Variants in PHKB observed in about 807,000 individuals in gnomAD.
The protein encoded by PHKB is phosphorylase kinase regulatory subunit beta.
Under a neutral mutation model 152.1 loss-of-function variants are expected in PHKB, and 122 were observed. The observed-to-expected ratio is 0.80, with a 90% CI of 0.69 to 0.93. The LOEUF (loss-of-function observed/expected upper bound fraction) is 0.93. Among genes scored for constraint, PHKB ranks in the 40% least tolerant of loss-of-function variants. PHKB has a pLI of 0.00. For missense variants in PHKB, 1,304 were observed against 1,328.4 expected (o/e 0.98, Z 0.29); for synonymous variants, 436 against 464.9 (o/e 0.94, Z 0.80).
In PHKB at chr16:47,486,749, T is replaced by C. The variant is rs896370989; in HGVS notation, c.77-10650T>C. 3.9e-5 allele frequency among the ~76,000 whole-genome samples: 6 copies of C among 152,206 alleles called. No homozygotes were observed. In the South Asian group the frequency reaches 1.2e-3, roughly 31 times the overall value. On this transcript the variant is annotated intron_variant, in intron 1 of 30. Coordinates refer to ENST00000323584, the MANE Select transcript of PHKB (RefSeq NM_000293.3). Reference sequence around the variant, plus strand: ...TCTATGATAAAAGATCTTCGGATTATGCTTACTTCTTGATTATCTTTTTGG... The same window carrying C: ...TCTATGATAAAAGATCTTCGGATTACGCTTACTTCTTGATTATCTTTTTGG...
intron 1 of PHKB, among the ~76,000 whole-genome samples, chr16:47,478,580 A>G (rs962362295): frequency 6.6e-6 from 1 of 151,374 alleles, no homozygotes; most frequent in African/African-American, 2.4e-5. Flanking sequence ...AAGTTACTAA[A>G]CCCCATTTAA....
intron 29 of PHKB, among the ~76,000 whole-genome samples, chr16:47,697,368 G>T (rs1314680451): frequency 1.3e-5 from 2 of 152,144 alleles, no homozygotes; most frequent in Non-Finnish European, 2.9e-5. Context: ...CACAGCATGA[G>T]GCAGACTGGG....
chr16:47,651,426 T>G (rs1369842702), intron 20 of PHKB, among the ~76,000 whole-genome samples: 2 of 152,232 alleles, frequency 1.3e-5, no homozygotes, highest in African/African-American at 4.8e-5. Context: ...CAATAATTAC[T>G]GTGTCTTGAA....
intron 7 of PHKB, among the ~76,000 whole-genome samples, chr16:47,548,758 T>A (rs1314613967): frequency 1.3e-5 from 2 of 152,212 alleles, no homozygotes; most frequent in African/African-American, 4.8e-5. Flanking sequence ...ACTAGCTGTG[T>A]AACCCTCAAC....
At chr16:47,556,347 C>A (rs1187783556) in intron 7 of PHKB, among the ~76,000 whole-genome samples, 2 of 152,178 alleles carry the variant, frequency 1.3e-5, no homozygotes, top group African/African-American at 2.4e-5. Context: ...GTCTTGTGCC[C>A]ATATTCAAAG....
chr16:47,698,661 TAATCTC>T, intron 30 of PHKB, 73 bp downstream of exon 30: 1 of 1,211,354 alleles, frequency 8.3e-7, no homozygotes, highest in Non-Finnish European at 1.1e-6. Flanking sequence ...AAAATATCCC[TAATCTC>T]TTTTCATTTA....
At chr16:47,656,690 C>G (rs1973345323) in intron 20 of PHKB, among the ~76,000 whole-genome samples, 1 of 152,132 alleles carries the variant, frequency 6.6e-6, no homozygotes, top group Middle Eastern at 3.2e-3. Context: ...CTCATTCCCC[C>G]CACACTCCAG....
chr16:47,598,289 C>A (rs936102015), intron 13 of PHKB, among the ~76,000 whole-genome samples: 3 of 152,140 alleles, frequency 2.0e-5, no homozygotes, highest in Non-Finnish European at 2.9e-5. Context: ...AGGACCTTTT[C>A]TTCTTCCAGA....
At chr16:47,659,319 C>T (rs957252061) in intron 20 of PHKB, among the ~76,000 whole-genome samples, 1 of 152,200 alleles carries the variant, frequency 6.6e-6, no homozygotes, top group African/African-American at 2.4e-5. Flanking sequence ...GCAACATTCC[C>T]TGTGTCCTGT....
rs969004979 is a variant in PHKB, at chr16:47,592,347, G to C, written c.1069-1153G>C. On this transcript the variant is annotated intron_variant, in intron 10 of 30. Coordinates refer to ENST00000323584, the MANE Select transcript of PHKB (RefSeq NM_000293.3). ...TTAGCTACTTAGCATGACCTGCAAG[G>C]CCCTTCCCGATCTGGCTGGCCTGGC... Among the ~76,000 whole-genome samples the C allele has an allele frequency of 2.6e-5, 4 of 152,302 alleles. No individual in the cohort carries two copies. The East Asian group carries it at 7.7e-4, about 29-fold the overall frequency.
At chr16:47,515,430 C>CA in intron 5 of PHKB, 91 bp from the exon 6 acceptor site, 1 of 737,820 alleles carries the variant, frequency 1.4e-6, no homozygotes. Flanking sequence ...ACTATTAGAG[C>CA]AAATGACTTG....
chr16:47,692,809 A>C (rs1974084978), intron 27 of PHKB, among the ~76,000 whole-genome samples: 2 of 152,312 alleles, frequency 1.3e-5, no homozygotes, highest in African/African-American at 4.8e-5. Context: ...GTAAGATTTT[A>C]TATCTTTTTT....
chr16:47,658,626 T>G (rs935819565), intron 20 of PHKB, among the ~76,000 whole-genome samples: 1 of 152,206 alleles, frequency 6.6e-6, no homozygotes, highest in Non-Finnish European at 1.5e-5. Context: ...GTATTACAGT[T>G]GCCTACAGTA....
rs569119687 is a variant in PHKB at position 47,680,237 on chromosome 16, G to T, written c.2631-8804G>T. Reference sequence around the variant, plus strand: ...ATATTGGTCTAAAATTCTCTTTTTTGGTTGTGTCTCTGCCAGGCTTTGGTA... The same window carrying T: ...ATATTGGTCTAAAATTCTCTTTTTTTGTTGTGTCTCTGCCAGGCTTTGGTA... On this transcript the variant is annotated intron_variant, in intron 26 of 30. Transcript: ENST00000323584. Among the ~76,000 whole-genome samples the T allele has an allele frequency of 1.1e-4, 16 of 152,042 alleles. No homozygotes were observed. In the East Asian group the frequency reaches 2.5e-3, roughly 24 times the overall value.
intron 6 of PHKB, among the ~76,000 whole-genome samples, chr16:47,542,021 T>G (rs1269474212): frequency 6.6e-6 from 1 of 152,222 alleles, no homozygotes; most frequent in African/African-American, 2.4e-5. Flanking sequence ...TTTGTCTATT[T>G]TGGCTTTTGT....
At chr16:47,673,641 G>A (rs1477585934) in intron 26 of PHKB, among the ~76,000 whole-genome samples, 2 of 152,096 alleles carry the variant, frequency 1.3e-5, no homozygotes, top group African/African-American at 2.4e-5. Flanking sequence ...TTCCAGTAAC[G>A]ATCTAAGAGG....
At chr16:47,498,533 A>G (rs1269961338) in intron 2 of PHKB, among the ~76,000 whole-genome samples, 6 of 152,156 alleles carry the variant, frequency 3.9e-5, no homozygotes, top group East Asian at 1.9e-4. Context: ...AAAATCAGCC[A>G]TGAGTGGTGG....
rs867947452 is a variant in PHKB at position 47,497,465 on chromosome 16, A to G, written c.143A>G (p.Lys48Arg). The G allele has an allele frequency of 2.5e-6, 4 of 1,607,600 alleles. No individual in the cohort carries two copies. Among genetic ancestry groups the G allele is most frequent in the Non-Finnish European group, 3.4e-6 (4 of 1,175,804 alleles). ...CCTGATAATGAAACTCTCTGGGATA[A>G]GTTGGACCATTATTACAGAATTGGT... Reference protein sequence around the residue: ...PRPDNETLWDKLDHYYRIVKS... With the variant: ...PRPDNETLWDRLDHYYRIVKS... Residue 48 changes from lysine to arginine, a missense_variant, in exon 2 of 31, where the codon AAG becomes AGG. Lys to Arg is a conservative substitution (Grantham distance 26, BLOSUM62 2). Transcript: ENST00000323584.
chr16:47,599,161 A>G (rs943359427), intron 13 of PHKB, among the ~76,000 whole-genome samples: 7 of 152,252 alleles, frequency 4.6e-5, no homozygotes, highest in Non-Finnish European at 1.0e-4. Context: ...TTAGTAGAGT[A>G]CTAGTTAACT....
Sources: allele counts gnomAD v4.1 joint callset (sites outside exome capture counted in the v4.1 genomes callset), GRCh38; gene constraint gnomAD v4.1.1; transcripts MANE v1.5; gene names NCBI Gene and HGNC (gene_info 2026-07-23, HGNC 2026-07-21).